Variants in ADGRB3 observed in about 807,000 individuals in gnomAD.
ADGRB3 encodes brain-specific angiogenesis inhibitor 3.
In ADGRB3, 37 loss-of-function variants were observed where a neutral mutation model predicts 193.4. The observed-to-expected ratio is 0.19, with a 90% CI of 0.15 to 0.25. The LOEUF is 0.25. Among genes scored for constraint, ADGRB3 ranks in the 10% least tolerant of loss-of-function variants. The pLI is 1.00. For synonymous variants in ADGRB3, 690 were observed against 644.2 expected, an observed-to-expected ratio of 1.07 and a Z score of -1.08; for missense variants, 1,637 against 1,852.9, an observed-to-expected ratio of 0.88 and a Z score of 2.14.
intron 8 of ADGRB3, among the ~76,000 whole-genome samples, chr6:68,972,009 G>T (rs966397401): frequency 1.3e-5 from 2 of 152,196 alleles, no homozygotes; most frequent in Non-Finnish European, 2.9e-5. Context: ...TCTCCAAAGG[G>T]TGGGGCACAG....
chr6:68,883,479 T>C (rs767540980), intron 3 of ADGRB3, among the ~76,000 whole-genome samples: 11 of 152,178 alleles, frequency 7.2e-5, no homozygotes, highest in Non-Finnish European at 1.5e-4. Flanking sequence ...ATCTTGTTGC[T>C]TCTCGCTCAT....
chr6:69,145,923 G>A (rs1774479000), intron 17 of ADGRB3, among the ~76,000 whole-genome samples: 2 of 152,112 alleles, frequency 1.3e-5, no homozygotes, highest in Admixed American at 1.3e-4. Context: ...AAGGGAGGAA[G>A]TGTGTGCTTA....
chr6:69,327,781 A>G (rs1231551991), intron 21 of ADGRB3, 39 bp from the exon 22 acceptor site: 6 of 1,588,322 alleles, frequency 3.8e-6, no homozygotes, highest in South Asian at 3.4e-5. Context: ...CATAGTGGTT[A>G]TAGCTAAATA....
At chr6:68,916,315 G>A (rs981480989) in intron 3 of ADGRB3, among the ~76,000 whole-genome samples, 6 of 152,136 alleles carry the variant, frequency 3.9e-5, no homozygotes, top group Non-Finnish European at 7.4e-5. Context: ...ATATATCTGA[G>A]GAAATCACCT....
At chr6:69,097,252 AT>A (rs1269709411) in intron 17 of ADGRB3, among the ~76,000 whole-genome samples, 7 of 152,186 alleles carry the variant, frequency 4.6e-5, no homozygotes, top group African/African-American at 1.7e-4. Flanking sequence ...AATAATACAA[AT>A]GTATCTCTGG....
At chr6:69,290,406 C>G (rs888342278) in intron 20 of ADGRB3, among the ~76,000 whole-genome samples, 16 of 151,774 alleles carry the variant, frequency 1.1e-4, no homozygotes, top group Admixed American at 1.1e-3. Context: ...GTTGGCAAAA[C>G]ATTAACCCTT....
At chr6:69,208,825 A>G (rs556417301) in intron 17 of ADGRB3, among the ~76,000 whole-genome samples, 1 of 152,352 alleles carries the variant, frequency 6.6e-6, no homozygotes, top group Admixed American at 6.5e-5. Flanking sequence ...TGATGATGGA[A>G]TGGTGCTATA....
intron 3 of ADGRB3, among the ~76,000 whole-genome samples, chr6:68,774,521 T>C (rs1038041281): frequency 6.6e-6 from 1 of 152,074 alleles, no homozygotes; most frequent in Non-Finnish European, 1.5e-5. Context: ...CCCTCAGTTT[T>C]GCTTTTGTAA....
intron 11 of ADGRB3, among the ~76,000 whole-genome samples, chr6:68,998,699 A>G (rs868084302): frequency 2.0e-5 from 3 of 152,254 alleles, no homozygotes; most frequent in Non-Finnish European, 2.9e-5. Flanking sequence ...GAAATAGATC[A>G]GTAAAAAGAG....
At chr6:69,072,250 G>C (rs1343514322) in intron 16 of ADGRB3, among the ~76,000 whole-genome samples, 1 of 152,094 alleles carries the variant, frequency 6.6e-6, no homozygotes, top group Admixed American at 6.5e-5. Flanking sequence ...AATGTGTAGT[G>C]AAACTTAAGA....
At chr6:69,325,645 G>A (rs148310985) in intron 21 of ADGRB3, among the ~76,000 whole-genome samples, 76 of 152,244 alleles carry the variant, frequency 5.0e-4, no homozygotes, top group African/African-American at 1.7e-3. Flanking sequence ...TCTAATGATA[G>A]CCTAGTTAAT....
intron 20 of ADGRB3, among the ~76,000 whole-genome samples, chr6:69,239,850 A>T (rs1392530046): frequency 1.3e-5 from 2 of 152,008 alleles, no homozygotes; most frequent in Non-Finnish European, 2.9e-5. Context: ...TTCCCCCAGA[A>T]ATGATTGTCT....
At chr6:69,004,808 G>C (rs931178349) in intron 11 of ADGRB3, among the ~76,000 whole-genome samples, 1 of 152,082 alleles carries the variant, frequency 6.6e-6, no homozygotes, top group Non-Finnish European at 1.5e-5. Context: ...TTGGGGTTGG[G>C]GGGTGCTGAG....
chr6:68,766,038 G>C (rs532535845), intron 3 of ADGRB3, among the ~76,000 whole-genome samples: 1 of 151,630 alleles, frequency 6.6e-6, no homozygotes, highest in African/African-American at 2.4e-5. Context: ...CACATTTTTC[G>C]TATCATGCGT....
chr6:68,974,648 G>T, intron 8 of ADGRB3, 115 bp from the exon 9 acceptor site: 1 of 740,206 alleles, frequency 1.4e-6, no homozygotes, highest in Non-Finnish European at 2.2e-6. Context: ...AAAAAAGAAA[G>T]AAAAAAAAAG....
chr6:68,864,976 T>C (rs1044459732), intron 3 of ADGRB3, among the ~76,000 whole-genome samples: 1 of 152,184 alleles, frequency 6.6e-6, no homozygotes, highest in Admixed American at 6.5e-5. Flanking sequence ...TCTCTTAAAT[T>C]CTCGTTGTTT....
At chr6:69,154,952 TAA>T (rs749426214) in intron 17 of ADGRB3, among the ~76,000 whole-genome samples, 1 of 152,212 alleles carries the variant, frequency 6.6e-6, no homozygotes, top group Non-Finnish European at 1.5e-5. Context: ...CTGATTAGCT[TAA>T]AAGTTTTAAA....
intron 3 of ADGRB3, among the ~76,000 whole-genome samples, chr6:68,880,633 A>AAGT (rs1765707238): frequency 1.3e-5 from 2 of 152,096 alleles, no homozygotes; most frequent in Non-Finnish European, 2.9e-5. Context: ...AGGGGTTTGT[A>AAGT]CTTTATAAGG....
intron 17 of ADGRB3, among the ~76,000 whole-genome samples, chr6:69,116,865 A>G (rs1258147597): frequency 6.6e-6 from 1 of 152,230 alleles, no homozygotes; most frequent in African/African-American, 2.4e-5. Flanking sequence ...GCTGATATGC[A>G]TGCTTCATTA....
Sources: gnomAD v4.1 joint callset for allele counts (sites outside exome capture counted in the v4.1 genomes callset) on GRCh38, gnomAD v4.1.1 for gene constraint, MANE v1.5 for transcripts, NCBI Gene and HGNC (gene_info 2026-07-23, HGNC 2026-07-21) for gene names.